Variants in LCK observed in about 807,000 individuals in gnomAD.
LCK encodes the protein tyrosine-protein kinase Lck.
In LCK, 14 loss-of-function variants were observed where a neutral mutation model predicts 64.6. The observed-to-expected ratio is 0.22, with a 90% confidence interval of 0.14 to 0.34. The LOEUF (loss-of-function observed/expected upper bound fraction) is 0.34. Ranked by LOEUF, LCK falls within the 10% of genes least tolerant of loss-of-function variation. The probability of loss-of-function intolerance (pLI) is 1.00; values close to 1 mark genes in which losing one functional copy is unlikely to be tolerated. For synonymous variants in LCK, 277 were observed against 263.6 expected (o/e 1.05, Z -0.49); for missense variants, 434 against 668.1 (o/e 0.65, Z 3.86).
intron 1 of LCK, among the ~76,000 whole-genome samples, chr1:32,252,458 G>A (rs1455516184): frequency 1.3e-5 from 2 of 152,162 alleles, no homozygotes; most frequent in Non-Finnish European, 2.9e-5. Context: ...CCCCTGCTTC[G>A]TTGGAGTTTT....
chr1:32,255,826 A>G (rs560535334), intron 1 of LCK, among the ~76,000 whole-genome samples: 8 of 140,598 alleles, frequency 5.7e-5, no homozygotes, highest in Admixed American at 3.6e-4. Context: ...TTTTTGAGAC[A>G]GTGTCTCAGT....
In LCK at chr1:32,276,437, G is replaced by A; in HGVS notation, c.732G>A (p.Thr244=). 6.2e-7 allele frequency: 1 copy of A among 1,612,958 alleles called. No homozygotes were observed. Among genetic ancestry groups the A allele is most frequent in the Middle Eastern group, 1.9e-4 (1 of 5,396 alleles). The change falls in exon 8 of 13, where the codon ACG becomes ACA. Residue 244 remains threonine (T), a synonymous_variant. Transcript: ENST00000336890. The surrounding 1 kb of genome is among the most constrained non-coding windows in gnomAD (Gnocchi z 4.6). ...ACGAGTGGGAGGTTCCCAGGGAGAC[G>A]CTGAAGCTGGTGGAGCGGCTGGGGG... ...WEDEWEVPRE[T]LKLVERLGAG...
Position 32,276,181 on chromosome 1 carries a change from T to A in LCK, c.631+118T>A. 2 of 1,457,042 alleles carry A rather than the reference T, an allele frequency of 1.4e-6. No homozygotes were observed. Among genetic ancestry groups the A allele is most frequent in the Non-Finnish European group, 1.9e-6 (2 of 1,066,462 alleles). The allele number at this position is 1,457,042 out of a possible 1,614,324, so 90.3% of individuals were successfully genotyped here. ...TCCATTCCCCGCAGTGGGTGAGGTG[T>A]GGAACCTGACCCTACGGCCCCAAGT... On this transcript the variant is annotated intron_variant, in intron 7 of 12. Coordinates refer to ENST00000336890, the MANE Select transcript of LCK (RefSeq NM_005356.5). This position sits in a 1 kb window ranked among gnomAD's most constrained non-coding sequence, Gnocchi z 4.6.
Position 32,275,126 on chromosome 1 carries a change from G to T in LCK, c.278+43G>T, listed in dbSNP as rs1272934953. 1 of 1,563,192 alleles carries T rather than the reference G, an allele frequency of 6.4e-7. No homozygotes were observed. The highest frequency in any genetic ancestry group is 8.8e-7 in the Non-Finnish European group (1 of 1,141,700). On this transcript the variant is annotated intron_variant, in intron 4 of 12. Coordinates refer to ENST00000336890, the MANE Select transcript of LCK (RefSeq NM_005356.5). The surrounding 1 kb of genome is among the most constrained non-coding windows in gnomAD (Gnocchi z 6.9). Reference sequence around the variant, plus strand: ...TTGCTCTGGCGGAGTCCGTGAGGGAGCGGCGATCTCCGCGACCCGCAGCCC... The same window carrying T: ...TTGCTCTGGCGGAGTCCGTGAGGGATCGGCGATCTCCGCGACCCGCAGCCC...
intron 1 of LCK, among the ~76,000 whole-genome samples, chr1:32,260,686 G>T (rs1245609097): frequency 1.3e-5 from 2 of 152,140 alleles, no homozygotes; most frequent in Non-Finnish European, 2.9e-5. Flanking sequence ...ACAGTGGTAT[G>T]ATATTGGCTC....
chr1:32,277,656 A>C (rs891433900), intron 9 of LCK, among the ~76,000 whole-genome samples: 34 of 152,190 alleles, frequency 2.2e-4, no homozygotes, highest in Non-Finnish European at 1.5e-5. Context: ...AGTTTCCCCA[A>C]GTATAACAGC....
chr1:32,273,692 A>T (rs1409165165), intron 1 of LCK, among the ~76,000 whole-genome samples: 1 of 152,094 alleles, frequency 6.6e-6, no homozygotes, highest in Non-Finnish European at 1.5e-5. Context: ...ACAGGCAAAT[A>T]AACAAAAAAA....
At chr1:32,268,720 G>C (rs919981098) in intron 1 of LCK, among the ~76,000 whole-genome samples, 1 of 150,990 alleles carries the variant, frequency 6.6e-6, no homozygotes, top group Non-Finnish European at 1.5e-5. Context: ...GACTGAGGTA[G>C]GAGAATCGCT....
intron 1 of LCK, among the ~76,000 whole-genome samples, chr1:32,271,526 A>G (rs970336876): frequency 6.6e-6 from 1 of 152,096 alleles, no homozygotes. Flanking sequence ...ACAAATAAAA[A>G]ATCACCTGGG....
intron 1 of LCK, among the ~76,000 whole-genome samples, chr1:32,265,419 ACG>A (rs1252016641): frequency 6.6e-6 from 1 of 152,170 alleles, no homozygotes; most frequent in African/African-American, 2.4e-5. Flanking sequence ...CTATGGACTT[ACG>A]ATTGCTGCCA....
chr1:32,261,240 ATT>A (rs533208515), intron 1 of LCK, among the ~76,000 whole-genome samples: 7,807 of 105,598 alleles, frequency 0.074, 276 homozygotes, highest in East Asian at 0.18. Context: ...TGCTTGGCTA[ATT>A]TTTTTTTTTT....
chr1:32,275,348 C>T lies in LCK; in HGVS notation c.306C>T (p.Ser102=), dbSNP rs752201210. 21 of 1,614,046 alleles carry T rather than the reference C, an allele frequency of 1.3e-5. No homozygotes were observed. The highest frequency in any genetic ancestry group is 5.0e-5 in the Admixed American group (3 of 59,994). ...EQSGEWWKAQ[S]LTTGQEGFIP... ...GCGGCGAGTGGTGGAAGGCGCAGTC[C>T]CTGACCACGGGCCAGGAAGGCTTCA... is the stretch of plus-strand genomic sequence containing the variant. Residue 102 remains serine, a synonymous_variant, in exon 5 of 13, where the codon TCC becomes TCT. Coordinates refer to ENST00000336890, the MANE Select transcript of LCK (RefSeq NM_005356.5). The surrounding 1 kb of genome is among the most constrained non-coding windows in gnomAD (Gnocchi z 6.9).
In LCK at chr1:32,275,896, A is replaced by G; in HGVS notation, c.482-18A>G. 1.2e-6 allele frequency: 2 copies of G among 1,613,660 alleles called. No homozygotes were observed. Among genetic ancestry groups the G allele is most frequent in the South Asian group, 1.1e-5 (1 of 91,074 alleles). ...ACTGCGTTCTTTCGTCGCTTTGTCC[A>G]TCCATTCATTCATTCAGGATCGTTT... is the stretch of plus-strand genomic sequence containing the variant. On this transcript the variant is annotated intron_variant, in intron 6 of 12. Coordinates refer to ENST00000336890, the MANE Select transcript of LCK (RefSeq NM_005356.5). This position sits in a 1 kb window ranked among gnomAD's most constrained non-coding sequence, Gnocchi z 6.9.
chr1:32,274,744 T>A lies in LCK; in HGVS notation c.113T>A (p.Ile38Asn), dbSNP rs564082487. 1 of 1,587,184 alleles carries A rather than the reference T, an allele frequency of 6.3e-7. No individual in the cohort carries two copies. The highest frequency in any genetic ancestry group is 1.2e-5 in the South Asian group (1 of 86,650). The part of the protein sequence containing the change: ...VPLDGKGTLL[I>N]RNGSEVRDPL... ...TCATCCCCCACTCCACAGCTGCTCA[T>A]CCGAAATGGCTCTGAGGTGCGGGAC... Residue 38 changes from isoleucine (I) to asparagine (N), a missense_variant, in exon 3 of 13, where the codon ATC (isoleucine) becomes AAC (asparagine). Transcript: ENST00000336890.
intron 9 of LCK, chr1:32,277,198 A>G (rs1640306108): frequency 7.7e-6 from 1 of 129,940 alleles, no homozygotes; most frequent in Admixed American, 8.8e-5. Context: ...CCTGGGTGAC[A>G]GAGCAAGACT....
intron 12 of LCK, among the ~76,000 whole-genome samples, chr1:32,280,612 T>C (rs1033318199): frequency 9.2e-5 from 14 of 151,870 alleles, no homozygotes; most frequent in Non-Finnish European, 1.9e-4. Flanking sequence ...CGTGCCACCA[T>C]GCGCAGCTAA....
intron 1 of LCK, among the ~76,000 whole-genome samples, chr1:32,265,689 T>G (rs1203687782): frequency 2.6e-5 from 4 of 152,054 alleles, no homozygotes; most frequent in Non-Finnish European, 4.4e-5. Flanking sequence ...TGATTCCTTT[T>G]CCCTCCCCAC....
rs760860694 is a variant in LCK, at chr1:32,276,671, C to T, written c.849C>T (p.Asp283=). 8 of 1,614,126 alleles carry T rather than the reference C, an allele frequency of 5.0e-6. No homozygotes were observed. In the South Asian group the frequency reaches 6.6e-5, roughly 13 times the overall value. Reference sequence around the variant, plus strand: ...TGAAGCAGGGCAGCATGTCCCCGGACGCCTTCCTGGCCGAGGCCAACCTCA... The same window carrying T: ...TGAAGCAGGGCAGCATGTCCCCGGATGCCTTCCTGGCCGAGGCCAACCTCA... The part of the protein sequence containing the change: ...KSLKQGSMSP[D]AFLAEANLMK... The change falls in exon 9 of 13, where the codon GAC becomes GAT. Residue 283 remains aspartate, a synonymous_variant. Coordinates refer to ENST00000336890, the MANE Select transcript of LCK (RefSeq NM_005356.5). The surrounding 1 kb of genome is among the most constrained non-coding windows in gnomAD (Gnocchi z 4.6).
At chr1:32,253,296 A>G (rs141908348) in intron 1 of LCK, among the ~76,000 whole-genome samples, 226 of 152,260 alleles carry the variant, frequency 1.5e-3, no homozygotes, top group Non-Finnish European at 2.6e-3. Context: ...CGGGATGCAC[A>G]GGTTGTAATG....
Sources: allele counts gnomAD v4.1 joint callset (sites outside exome capture counted in the v4.1 genomes callset), GRCh38; gene constraint gnomAD v4.1.1; non-coding constraint Gnocchi (gnomAD v3.1); transcripts MANE v1.5; gene names NCBI Gene and HGNC (gene_info 2026-07-23, HGNC 2026-07-21).